UNC13C: variants seen among roughly 807,000 people sequenced by gnomAD.
The protein encoded by UNC13C is protein unc-13 homolog C.
UNC13C carries 174 observed loss-of-function variants against 245.4 expected under a neutral mutation model. The ratio of observed to expected loss-of-function variants is 0.71; its 90% CI spans 0.63 to 0.80. The LOEUF is 0.80. Among genes scored for constraint, UNC13C ranks in the 30% least tolerant of loss-of-function variants. The pLI, the probability that UNC13C is intolerant of heterozygous loss-of-function variation, is 0.00. For synonymous variants in UNC13C, 992 were observed against 895.1 expected (o/e 1.11, Z -1.93); for missense variants, 2,829 against 2,602.9 (o/e 1.09, Z -1.89).
chr15:53,995,951 G>T (rs1322628265), intron 1 of UNC13C, among the ~76,000 whole-genome samples: 1 of 152,072 alleles, frequency 6.6e-6, no homozygotes, highest in Non-Finnish European at 1.5e-5. Context: ...AGCTGGAGGA[G>T]GTAATGCTAT....
chr15:54,319,451 T>C (rs982183077), intron 13 of UNC13C, among the ~76,000 whole-genome samples: 1 of 151,940 alleles, frequency 6.6e-6, no homozygotes, highest in Non-Finnish European at 1.5e-5. Context: ...ACACTTATCA[T>C]TTCCTTAAAG....
intron 8 of UNC13C, among the ~76,000 whole-genome samples, chr15:54,263,178 A>G (rs2036470017): frequency 6.6e-6 from 1 of 152,222 alleles, no homozygotes; most frequent in Non-Finnish European, 1.5e-5. Flanking sequence ...ATTACTACCT[A>G]TGAACACAAG....
chr15:53,924,063 C>T, the UNC13C span, among the ~76,000 whole-genome samples: 1 of 151,958 alleles, frequency 6.6e-6, no homozygotes, highest in Non-Finnish European at 1.5e-5. Context: ...AAAAATTAGC[C>T]GGGTGTAGTG....
At chr15:54,120,540 T>C (rs2030594267) in intron 2 of UNC13C, among the ~76,000 whole-genome samples, 2 of 152,154 alleles carry the variant, frequency 1.3e-5, no homozygotes, top group South Asian at 4.1e-4. Flanking sequence ...ACATCTATTC[T>C]GCAGCCCATG....
intron 1 of UNC13C, among the ~76,000 whole-genome samples, chr15:54,009,039 G>C (rs1895264126): frequency 6.6e-6 from 1 of 152,020 alleles, no homozygotes; most frequent in Admixed American, 6.6e-5. Context: ...TTGTCTGAAG[G>C]AAGTTCCACA....
At chr15:53,958,524 G>C in the UNC13C span, among the ~76,000 whole-genome samples, 1 of 152,246 alleles carries the variant, frequency 6.6e-6, no homozygotes, top group African/African-American at 2.4e-5. Context: ...TCAGCTTATT[G>C]AGGAGGAAAC....
the UNC13C span, among the ~76,000 whole-genome samples, chr15:53,935,748 G>T: frequency 0.015 from 2,249 of 152,242 alleles, 23 homozygotes; most frequent in Middle Eastern, 0.024. Context: ...GCCAAGATAG[G>T]TGGTGAGTGT....
chr15:54,055,077 C>T (rs1261793220), intron 2 of UNC13C, among the ~76,000 whole-genome samples: 1 of 152,136 alleles, frequency 6.6e-6, no homozygotes, highest in African/African-American at 2.4e-5. Context: ...CTTGATCATG[C>T]TGCTTGTTAT....
intron 2 of UNC13C, among the ~76,000 whole-genome samples, chr15:54,044,671 A>C (rs1439841486): frequency 1.3e-5 from 2 of 152,066 alleles, no homozygotes; most frequent in Non-Finnish European, 2.9e-5. Context: ...TCTCATTGTG[A>C]TATTTTTTAA....
intron 2 of UNC13C, among the ~76,000 whole-genome samples, chr15:54,041,942 T>C (rs1203766698): frequency 6.6e-6 from 1 of 152,228 alleles, no homozygotes; most frequent in Non-Finnish European, 1.5e-5. Flanking sequence ...ATTTGTGTAA[T>C]GTTTCACAAT....
At chr15:54,097,642 G>T (rs944967812) in intron 2 of UNC13C, among the ~76,000 whole-genome samples, 3 of 152,090 alleles carry the variant, frequency 2.0e-5, no homozygotes, top group Non-Finnish European at 4.4e-5. Flanking sequence ...TCTAGGAGTG[G>T]ATCCAGAAGG....
At chr15:54,080,787 C>A (rs1898900194) in intron 2 of UNC13C, among the ~76,000 whole-genome samples, 1 of 151,700 alleles carries the variant, frequency 6.6e-6, no homozygotes, top group Non-Finnish European at 1.5e-5. Flanking sequence ...TTTGTTGATC[C>A]TTTGTTTGTT....
chr15:53,925,215 A>T, the UNC13C span, among the ~76,000 whole-genome samples: 1 of 152,250 alleles, frequency 6.6e-6, no homozygotes, highest in East Asian at 1.9e-4. Flanking sequence ...ATTACATGAG[A>T]TTCTTATTTC....
chr15:54,108,075 C>G (rs1276624050), intron 2 of UNC13C, among the ~76,000 whole-genome samples: 3 of 152,124 alleles, frequency 2.0e-5, no homozygotes, highest in Non-Finnish European at 4.4e-5. Context: ...CAAGGATTAT[C>G]TGGGTTTTAT....
intron 2 of UNC13C, among the ~76,000 whole-genome samples, chr15:54,133,485 A>C (rs1310549709): frequency 6.6e-6 from 1 of 152,200 alleles, no homozygotes; most frequent in African/African-American, 2.4e-5. Flanking sequence ...TAACCACTAC[A>C]AACTTACTTT....
intron 2 of UNC13C, among the ~76,000 whole-genome samples, chr15:54,105,475 T>G (rs1406291797): frequency 6.6e-6 from 1 of 152,222 alleles, no homozygotes; most frequent in Admixed American, 6.5e-5. Flanking sequence ...CTGAAGGTTT[T>G]CATATATTTT....
intron 2 of UNC13C, among the ~76,000 whole-genome samples, chr15:54,136,838 T>G (rs1258646875): frequency 1.0e-5 from 1 of 97,794 alleles, no homozygotes; most frequent in Admixed American, 1.5e-4. Context: ...TTTATTTTTG[T>G]GTATCACTTT....
At chr15:54,354,883 G>A (rs1357623317) in intron 17 of UNC13C, among the ~76,000 whole-genome samples, 1 of 152,228 alleles carries the variant, frequency 6.6e-6, no homozygotes, top group Non-Finnish European at 1.5e-5. Context: ...CGATGTGGCA[G>A]TATTGACAGA....
Position 54,565,869 on chromosome 15 carries a change from C to A in UNC13C, c.5959-1931C>A, listed in dbSNP as rs550066243. Among the ~76,000 whole-genome samples the A allele has an allele frequency of 1.2e-4, 19 of 152,066 alleles. No individual in the cohort carries two copies. In the East Asian group the frequency reaches 3.1e-3, roughly 25 times the overall value. ...TATCATAGACAGAATATCCACTAAT[C>A]TTTTCTGCTCCTTTTTCCCCAGAAG... On this transcript the variant is annotated intron_variant, in intron 29 of 32. Coordinates refer to ENST00000260323, the MANE Select transcript of UNC13C (RefSeq NM_001080534.3).
Sources: gnomAD v4.1 joint callset for allele counts (sites outside exome capture counted in the v4.1 genomes callset) on GRCh38, gnomAD v4.1.1 for gene constraint, MANE v1.5 for transcripts, NCBI Gene and HGNC (gene_info 2026-07-23, HGNC 2026-07-21) for gene names.